The following KATNIP variants were observed in gnomAD, a reference collection of about 807,000 sequenced individuals.
KATNIP encodes katanin interacting protein, also known as katanin-interacting protein.
A neutral mutation model predicts 174.0 loss-of-function variants in KATNIP; 126 were observed. The ratio of observed to expected loss-of-function variants is 0.72; its 90% CI spans 0.63 to 0.84. The LOEUF (loss-of-function observed/expected upper bound fraction) is 0.84. Ranked by LOEUF, KATNIP falls within the 40% of genes least tolerant of loss-of-function variation. The pLI, the probability that KATNIP is intolerant of heterozygous loss-of-function variation, is 0.00. For missense variants in KATNIP, 1,958 were observed against 2,109.7 expected, an observed-to-expected ratio of 0.93 and a Z score of 1.41; for synonymous variants, 810 against 835.7, an observed-to-expected ratio of 0.97 and a Z score of 0.53.
intron 1 of KATNIP, among the ~76,000 whole-genome samples, chr16:27,555,772 G>A (rs1406056823): frequency 6.6e-6 from 1 of 151,262 alleles, no homozygotes; most frequent in Non-Finnish European, 1.5e-5. Flanking sequence ...GGAGGCAGAG[G>A]TTGTGGTGAG....
At chr16:27,729,408 T>A (rs930219199) in intron 14 of KATNIP, among the ~76,000 whole-genome samples, 1 of 152,198 alleles carries the variant, frequency 6.6e-6, no homozygotes, top group Non-Finnish European at 1.5e-5. Flanking sequence ...GCCCACATTA[T>A]CCACATGAGG....
chr16:27,648,681 G>C lies in KATNIP; in HGVS notation c.486G>C (p.Glu162Asp), dbSNP rs763258327. The C allele has an allele frequency of 2.5e-6, 4 of 1,614,080 alleles. No individual in the cohort carries two copies. The Admixed American group carries it at 6.7e-5, about 27-fold the overall frequency. The change falls in exon 6 of 28, where the codon GAG (glutamate) becomes GAC (aspartate). Residue 162 changes from glutamate to aspartate, a missense_variant. Transcript: ENST00000261588. ...EPPVDYSDDF[E>D]LCGDVTLQAN... ...CTGTGGACTATTCTGATGATTTTGA[G>C]CTGTGTGGGGATGTGACTCTCCAGG...
At chr16:27,754,122 G>C (rs1284202082) in intron 17 of KATNIP, 51 bp from the exon 18 acceptor site, 3 of 1,457,236 alleles carry the variant, frequency 2.1e-6, no homozygotes, top group Middle Eastern at 1.7e-4. Context: ...TAGCTGTGTG[G>C]GTATCACTAA....
rs183967646 is a variant in KATNIP, at chr16:27,660,418, G to A, written c.540+11683G>A. 8.3e-4 allele frequency among the ~76,000 whole-genome samples: 126 copies of A among 152,170 alleles called. 1 individual carries two copies. Among genetic ancestry groups the A allele is most frequent in the African/African-American group, 2.8e-3 (115 of 41,520 alleles). On this transcript the variant is annotated intron_variant, in intron 6 of 27. Coordinates refer to ENST00000261588, the MANE Select transcript of KATNIP (RefSeq NM_015202.5). ...ACAAAAATTAACCAGGCATGGTGGC[G>A]CATGCCTGTAATCCCAGCTACTCAG... is the stretch of plus-strand genomic sequence containing the variant.
intron 2 of KATNIP, among the ~76,000 whole-genome samples, chr16:27,591,355 T>C (rs531018013): frequency 2.0e-5 from 3 of 152,270 alleles, no homozygotes; most frequent in African/African-American, 7.2e-5. Context: ...CAGATAATTT[T>C]TGTATTTTTA....
intron 5 of KATNIP, among the ~76,000 whole-genome samples, chr16:27,645,493 G>C (rs2076932214): frequency 6.6e-6 from 1 of 152,210 alleles, no homozygotes; most frequent in Admixed American, 6.5e-5. Flanking sequence ...CAAGTGCCCA[G>C]AGTGGGTTAG....
At chr16:27,614,459 C>G (rs562521882) in intron 2 of KATNIP, among the ~76,000 whole-genome samples, 79 of 152,264 alleles carry the variant, frequency 5.2e-4, no homozygotes, top group African/African-American at 1.8e-3. Flanking sequence ...CCGTGCCTGG[C>G]CACACCCTGC....
At chr16:27,756,427 T>A (rs991092018) in intron 18 of KATNIP, among the ~76,000 whole-genome samples, 2 of 152,188 alleles carry the variant, frequency 1.3e-5, no homozygotes, top group African/African-American at 4.8e-5. Context: ...AGCTCTGTTT[T>A]CCATGAGATC....
In KATNIP at chr16:27,749,779, C is replaced by G. The variant is rs371104220; in HGVS notation, c.2819C>G (p.Pro940Arg). 2.0e-5 allele frequency: 32 copies of G among 1,609,974 alleles called. No homozygotes were observed. The highest frequency in any genetic ancestry group is 2.5e-5 in the Non-Finnish European group (29 of 1,177,606). ...QKSSRHSDLP[P>R]SKKGEQPGLS... ...AGCAGCCGGCACAGCGACTTGCCCCCCTCCAAGAAGGGGGAGCAGCCAGGG... is the reference window on the plus strand; with the variant it reads ...AGCAGCCGGCACAGCGACTTGCCCCGCTCCAAGAAGGGGGAGCAGCCAGGG... Residue 940 changes from proline to arginine, a missense_variant, in exon 16 of 28, where the codon CCC (proline) becomes CGC (arginine). Transcript: ENST00000261588.
intron 8 of KATNIP, among the ~76,000 whole-genome samples, chr16:27,697,477 T>C (rs1420576606): frequency 6.6e-6 from 1 of 152,036 alleles, no homozygotes; most frequent in Non-Finnish European, 1.5e-5. Context: ...TAAAGTAACA[T>C]TGTAAGGATA....
chr16:27,631,363 G>C (rs570360833), intron 5 of KATNIP: 197 of 540,098 alleles, frequency 3.6e-4, no homozygotes, highest in Non-Finnish European at 5.3e-4. Flanking sequence ...AACAAAGTGA[G>C]ACTTCATCTC....
chr16:27,629,430 A>AT lies in KATNIP; in HGVS notation c.310+605dup, dbSNP rs1347500660. On this transcript the variant is annotated intron_variant, in intron 4 of 27. Coordinates refer to ENST00000261588, the MANE Select transcript of KATNIP (RefSeq NM_015202.5). ...CTAGGGAAATTTTGGATTATATCTG[A>AT]TTTTTCACTTAGTATGTTTTAACTT... 2.0e-5 allele frequency among the ~76,000 whole-genome samples: 3 copies of AT among 152,180 alleles called. No homozygotes were observed. The East Asian group carries it at 5.8e-4, about 29-fold the overall frequency.
chr16:27,612,791 C>T (rs1172397712), intron 2 of KATNIP, among the ~76,000 whole-genome samples: 1 of 151,722 alleles, frequency 6.6e-6, no homozygotes, highest in Non-Finnish European at 1.5e-5. Context: ...CAGACTTGGG[C>T]ACTTGCCAGT....
chr16:27,660,438 A>G (rs1220320984), intron 6 of KATNIP, among the ~76,000 whole-genome samples: 2 of 152,038 alleles, frequency 1.3e-5, no homozygotes, highest in East Asian at 3.9e-4. Context: ...AATCCCAGCT[A>G]CTCAGGAGGC....
chr16:27,737,240 G>T (rs992262771), intron 14 of KATNIP, among the ~76,000 whole-genome samples: 5 of 152,070 alleles, frequency 3.3e-5, no homozygotes, highest in African/African-American at 9.7e-5. Flanking sequence ...TTAATTAGCT[G>T]GTCGTGGTGA....
rs750313432 is a variant in KATNIP at position 27,774,964 on chromosome 16, C to T, written c.4329C>T (p.Asp1443=). 7 of 1,613,840 alleles carry T rather than the reference C, an allele frequency of 4.3e-6. No individual in the cohort carries two copies. The East Asian group carries it at 1.1e-4, about 26-fold the overall frequency. The change falls in exon 24 of 28, where the codon GAC becomes GAT. Residue 1443 remains aspartate (D), a synonymous_variant. Transcript: ENST00000261588. ...LSENNIAAFP[D]SVNSLEGVGG... is the part of the protein sequence containing the mutation. ...CCTCAGATATTGCGGCCTTCCCCGA[C>T]AGCGTGAACTCCCTGGAGGGTGTGG...
chr16:27,750,419 C>CCT, intron 16 of KATNIP, 113 bp downstream of exon 16: 2 of 670,324 alleles, frequency 3.0e-6, no homozygotes, highest in Non-Finnish European at 4.6e-6. Flanking sequence ...CTTTCTCTTT[C>CCT]TTTTTTTTTT....
Position 27,631,154 on chromosome 16 carries a change from T to C in KATNIP, c.400T>C (p.Trp134Arg), listed in dbSNP as rs2076476365. Residue 134 changes from tryptophan to arginine, a missense_variant, in exon 5 of 28, where the codon TGG becomes CGG. Trp to Arg is a moderately radical substitution (Grantham distance 101). Around this residue, in one of 3 missense-constraint regions of KATNIP, gnomAD observed 1,557 missense variants for 1,617.8 expected, o/e 0.96. Coordinates refer to ENST00000261588, the MANE Select transcript of KATNIP (RefSeq NM_015202.5). ...TAPSKVQRRG[W>R]HQKSVQIRTE... ...CCCCAGTAAAGTCCAGCGCCGAGGA[T>C]GGCACCAGGTCTGGAGACTGTGGCC... 2 of 1,565,802 alleles carry C rather than the reference T, an allele frequency of 1.3e-6. No homozygotes were observed. Among genetic ancestry groups the C allele is most frequent in the South Asian group, 2.3e-5 (2 of 85,128 alleles).
intron 2 of KATNIP, among the ~76,000 whole-genome samples, chr16:27,584,547 A>G (rs1260782661): frequency 6.6e-6 from 1 of 152,114 alleles, no homozygotes; most frequent in Non-Finnish European, 1.5e-5. Flanking sequence ...TAATCCCAGC[A>G]CTTTGGAGGC....
Sources: allele counts gnomAD v4.1 joint callset (sites outside exome capture counted in the v4.1 genomes callset), GRCh38; gene constraint gnomAD v4.1.1; regional missense constraint gnomAD v4.1.1; transcripts MANE v1.5; gene names NCBI Gene and HGNC (gene_info 2026-07-23, HGNC 2026-07-21).